Variants in IVNS1ABP observed in about 807,000 individuals in gnomAD.
IVNS1ABP encodes the protein influenza virus NS1A-binding protein.
Under a neutral mutation model 78.9 loss-of-function variants are expected in IVNS1ABP, and 25 were observed. That is an observed-to-expected ratio of 0.32 (90% CI 0.23 to 0.44). The LOEUF (loss-of-function observed/expected upper bound fraction) is 0.44. Ranked by LOEUF, IVNS1ABP falls within the 20% of genes least tolerant of loss-of-function variation. The pLI is 1.00. For missense variants in IVNS1ABP, 494 were observed against 768.9 expected (o/e 0.64, Z 4.23); for synonymous variants, 241 against 259.7 (o/e 0.93, Z 0.69).
At chr1:185,308,913 TA>T (rs778857846) in intron 4 of IVNS1ABP, 38 bp from the exon 5 acceptor site, 16 of 1,577,268 alleles carry the variant, frequency 1.0e-5, no homozygotes, top group Non-Finnish European at 8.6e-6. Context: ...ACCAAAGCCT[TA>T]AAACACACTT....
intron 2 of IVNS1ABP, among the ~76,000 whole-genome samples, chr1:185,310,386 T>C (rs1254590073): frequency 6.6e-6 from 1 of 152,036 alleles, no homozygotes; most frequent in Non-Finnish European, 1.5e-5. Context: ...GACAGGTGGA[T>C]CATTTGAGGT....
At chr1:185,307,967 C>G in intron 5 of IVNS1ABP, 2 of 1,549,600 alleles carry the variant, frequency 1.3e-6, no homozygotes, top group Non-Finnish European at 1.7e-6. Context: ...GAACTGGGCT[C>G]TACAGGAGAG....
Position 185,298,569 on chromosome 1 carries a change from C to T in IVNS1ABP, c.1676-281G>A, listed in dbSNP as rs977938720. 4.9e-5 allele frequency: 21 copies of T among 426,308 alleles called. No homozygotes were observed. Among genetic ancestry groups the T allele is most frequent in the Non-Finnish European group, 5.5e-5 (13 of 238,032 alleles). The allele number at this position is 426,308 out of a possible 1,614,324, so 26.4% of individuals were successfully genotyped here. The stretch of plus-strand genomic sequence containing the variant: ...TAAATAAGTACAATTTTCACCAACT[C>T]TGTGGTAGTTACTATTATTATTTCA... On this transcript the variant is annotated intron_variant, in intron 14 of 14. Coordinates refer to ENST00000367498, the MANE Select transcript of IVNS1ABP (RefSeq NM_006469.5). The surrounding 1 kb of genome is among the most constrained non-coding windows in gnomAD (Gnocchi z 4.1).
chr1:185,315,288 C>A (rs1401591669), intron 1 of IVNS1ABP, among the ~76,000 whole-genome samples: 2 of 152,146 alleles, frequency 1.3e-5, no homozygotes, highest in Non-Finnish European at 2.9e-5. Context: ...TCTAACAAAT[C>A]CTTCAAGCAA....
intron 8 of IVNS1ABP, chr1:185,301,797 T>C (rs1665608308): frequency 3.1e-6 from 1 of 320,134 alleles, no homozygotes; most frequent in African/African-American, 2.1e-5. Flanking sequence ...AAGAAAAAGC[T>C]CAGTTTTAAC....
In IVNS1ABP at chr1:185,310,835, A is replaced by G. The variant is rs575261645; in HGVS notation, c.-19+260T>C. ...CCAGGCTGCAGTGAGCTATGATCCC[A>G]CCACTGCACTCCAGCCTGGACAACA... On this transcript the variant is annotated intron_variant, in intron 2 of 14. Coordinates refer to ENST00000367498, the MANE Select transcript of IVNS1ABP (RefSeq NM_006469.5). 4.6e-5 allele frequency among the ~76,000 whole-genome samples: 7 copies of G among 151,132 alleles called. No homozygotes were observed. In the South Asian group the frequency reaches 1.5e-3, roughly 32 times the overall value.
intron 1 of IVNS1ABP, among the ~76,000 whole-genome samples, 173 bp downstream of exon 1, chr1:185,316,780 C>T (rs974625636): frequency 2.0e-5 from 3 of 152,170 alleles, no homozygotes; most frequent in Non-Finnish European, 4.4e-5. Flanking sequence ...CCCAGCGCGG[C>T]GCGGGCTTCA....
chr1:185,316,470 A>G (rs1164800987), intron 1 of IVNS1ABP, among the ~76,000 whole-genome samples: 1 of 152,148 alleles, frequency 6.6e-6, no homozygotes, highest in Non-Finnish European at 1.5e-5. Flanking sequence ...ACACGAGCCG[A>G]GTCTCGAGAG....
At chr1:185,300,396 A>G (rs1383755325) in intron 11 of IVNS1ABP, 41 bp downstream of exon 11, 20 of 1,613,354 alleles carry the variant, frequency 1.2e-5, no homozygotes, top group Non-Finnish European at 1.3e-5. Flanking sequence ...TTACGAGGAA[A>G]AAGCTAAATA....
At chr1:185,304,290 A>G (rs1665679687) in intron 8 of IVNS1ABP, among the ~76,000 whole-genome samples, 1 of 152,124 alleles carries the variant, frequency 6.6e-6, no homozygotes, top group Admixed American at 6.6e-5. Context: ...CCTGCCACTT[A>G]TTGGGCACTC....
chr1:185,307,461 A>G (rs377701002), intron 6 of IVNS1ABP, 28 bp downstream of exon 6: 9 of 1,554,256 alleles, frequency 5.8e-6, no homozygotes, highest in East Asian at 2.2e-5. Flanking sequence ...TAGATAGTAT[A>G]TATCTGTTTA....
At position 185,299,800 on chromosome 1, in the gene IVNS1ABP, C is replaced by G; in HGVS notation, c.1585G>C (p.Val529Leu). The change falls in exon 14 of 15, where the codon GTA (valine) becomes CTA (leucine). Residue 529 changes from valine (V) to leucine (L), a missense_variant. Coordinates refer to ENST00000367498, the MANE Select transcript of IVNS1ABP (RefSeq NM_006469.5). Reference protein sequence around the residue: ...GAESWNCLNTVERYNPENNTW... With the variant: ...GAESWNCLNTLERYNPENNTW... ...TTATTTTCAGGATTGTATCGTTCTA[C>G]TGTGTTCAGACAATTCCAAGATTCT... 1 of 1,613,700 alleles carries G rather than the reference C, an allele frequency of 6.2e-7. No individual in the cohort carries two copies. The highest frequency in any genetic ancestry group is 8.5e-7 in the Non-Finnish European group (1 of 1,179,760).
chr1:185,311,525 TAAA>T (rs35365424), intron 1 of IVNS1ABP, among the ~76,000 whole-genome samples: 3 of 134,164 alleles, frequency 2.2e-5, no homozygotes, highest in Non-Finnish European at 4.9e-5. Context: ...CCCAAGTGAT[TAAA>T]AAAAAAAAAA....
chr1:185,300,090 G>A lies in IVNS1ABP; in HGVS notation c.1410C>T (p.Gly470=). The A allele has an allele frequency of 6.2e-7, 1 of 1,613,342 alleles. No individual in the cohort carries two copies. The highest frequency in any genetic ancestry group is 1.1e-5 in the South Asian group (1 of 91,062). ...ALNGKLYIVG[G]SDPYGQKGLK... ...GTCCTTTTTGACCATATGGATCAGAGCCACCAACGATGTATAACTTTCCAT... is the reference window on the plus strand; with the variant it reads ...GTCCTTTTTGACCATATGGATCAGAACCACCAACGATGTATAACTTTCCAT... The change falls in exon 13 of 15, where the codon GGC becomes GGT. Residue 470 remains glycine, a synonymous_variant. Transcript: ENST00000367498.
Position 185,298,167 on chromosome 1 carries a change from A to G in IVNS1ABP, c.1797T>C (p.Ala599=), listed in dbSNP as rs1558113697. The change falls in exon 15 of 15, where the codon GCT becomes GCC. Residue 599 remains alanine, a synonymous_variant. Transcript: ENST00000367498. The surrounding 1 kb of genome is among the most constrained non-coding windows in gnomAD (Gnocchi z 4.1). ...MGNMTSPRSN[A]GIATVGNTIY... ...TGGTGTTCCCTACAGTTGCAATCCC[A>G]GCATTGCTCCTTGGTGAAGTCATAT... The G allele has an allele frequency of 3.1e-6, 5 of 1,613,866 alleles. No homozygotes were observed. The highest frequency in any genetic ancestry group is 2.2e-5 in the East Asian group (1 of 44,858).
chr1:185,300,162 ATAATT>A (rs1259772232), intron 12 of IVNS1ABP, 32 bp from the exon 13 acceptor site: 5 of 1,604,732 alleles, frequency 3.1e-6, no homozygotes, highest in African/African-American at 1.3e-5. Flanking sequence ...TTACATATTG[ATAATT>A]TAATTATCAT....
chr1:185,309,044 T>C lies in IVNS1ABP; in HGVS notation c.240A>G (p.Pro80=), dbSNP rs139483777. The part of the protein sequence containing the change: ...ISHVKFDDLN[P]EAVEVLLNYA... Reference sequence around the variant, plus strand: ...AATTCAACAAGACTTCAACAGCTTCTGGATTGAGATCATCAAATTTAACGT... The same window carrying C: ...AATTCAACAAGACTTCAACAGCTTCCGGATTGAGATCATCAAATTTAACGT... The change falls in exon 4 of 15, where the codon CCA becomes CCG. Residue 80 remains proline, a synonymous_variant. Transcript: ENST00000367498. 1,240 of 1,612,840 alleles carry C rather than the reference T, an allele frequency of 7.7e-4. 7 individuals carry two copies. Among genetic ancestry groups the C allele is most frequent in the Middle Eastern group, 7.1e-3 (43 of 6,048 alleles).
Position 185,317,086 on chromosome 1 carries a change from G to A in IVNS1ABP, c.-380C>T, listed in dbSNP as rs915477773. On this transcript the variant is annotated 5_prime_UTR_variant, in exon 1 of 15. Coordinates refer to ENST00000367498, the MANE Select transcript of IVNS1ABP (RefSeq NM_006469.5). ...GACGGGAGCGGTCAAGTAGAAGGAC[G>A]AGGGGCCAGTCCGTGGAGACTGAAA... is the stretch of plus-strand genomic sequence containing the variant. The A allele has an allele frequency of 1.3e-5, 5 of 398,480 alleles. No individual in the cohort carries two copies. The highest frequency in any genetic ancestry group is 2.1e-5 in the African/African-American group (1 of 48,576). The allele number at this position is 398,480 out of a possible 1,614,324, so 24.7% of individuals were successfully genotyped here. A position where few individuals can be genotyped will look rare whatever the true frequency, so the allele number is the denominator to read the frequency against.
At chr1:185,313,425 A>C (rs1398425267) in intron 1 of IVNS1ABP, among the ~76,000 whole-genome samples, 1 of 152,178 alleles carries the variant, frequency 6.6e-6, no homozygotes, top group Non-Finnish European at 1.5e-5. Flanking sequence ...CATTTAAGTT[A>C]ATGCAAACTT....
Sources: allele counts gnomAD v4.1 joint callset (sites outside exome capture counted in the v4.1 genomes callset), GRCh38; gene constraint gnomAD v4.1.1; non-coding constraint Gnocchi (gnomAD v3.1); transcripts MANE v1.5; gene names NCBI Gene and HGNC (gene_info 2026-07-23, HGNC 2026-07-21).